Variants in PTPRM observed in about 807,000 individuals in gnomAD.
PTPRM encodes protein tyrosine phosphatase receptor type M.
A neutral mutation model predicts 186.7 loss-of-function variants in PTPRM; 47 were observed. The observed-to-expected ratio is 0.25, with a 90% confidence interval of 0.20 to 0.32. PTPRM has a LOEUF of 0.32. Among genes scored for constraint, PTPRM ranks in the 10% least tolerant of loss-of-function variants. PTPRM has a pLI of 1.00. For missense variants in PTPRM, 1,494 were observed against 1,865.0 expected (o/e 0.80, Z 3.66); for synonymous variants, 668 against 674.9 (o/e 0.99, Z 0.16).
chr18:7,887,932 G>A (rs1205495181), intron 2 of PTPRM, 174 bp from the exon 3 acceptor site: 2 of 799,824 alleles, frequency 2.5e-6, no homozygotes, highest in Admixed American at 3.4e-5. Context: ...ACATATAGGG[G>A]GATGATAGGA....
chr18:8,105,066 G>A (rs561552654), intron 11 of PTPRM, among the ~76,000 whole-genome samples: 189 of 152,274 alleles, frequency 1.2e-3, no homozygotes, highest in Non-Finnish European at 2.2e-3. Context: ...TCTATCTGTG[G>A]CTAAAATTGT....
chr18:7,886,217 AAC>A (rs2048777365), intron 2 of PTPRM, among the ~76,000 whole-genome samples: 1 of 152,198 alleles, frequency 6.6e-6, no homozygotes, highest in Non-Finnish European at 1.5e-5. Flanking sequence ...AGAGCAGGAA[AAC>A]ACAATCTGTA....
chr18:8,270,691 C>T (rs1016982892), intron 19 of PTPRM, among the ~76,000 whole-genome samples: 6 of 152,084 alleles, frequency 3.9e-5, no homozygotes, highest in African/African-American at 1.2e-4. Context: ...AAGAAGTCTA[C>T]CCTGCCATTT....
At chr18:8,085,597 A>T in intron 9 of PTPRM, 74 bp from the exon 10 acceptor site, 1 of 1,292,068 alleles carries the variant, frequency 7.7e-7, no homozygotes, top group Non-Finnish European at 1.1e-6. Flanking sequence ...ATACATCAGA[A>T]GGGTTTATTG....
intron 9 of PTPRM, among the ~76,000 whole-genome samples, chr18:8,078,864 G>T (rs1351305270): frequency 6.6e-6 from 1 of 152,132 alleles, no homozygotes; most frequent in East Asian, 1.9e-4. Flanking sequence ...TGTGAACTCA[G>T]AGCAAGAATT....
intron 7 of PTPRM, among the ~76,000 whole-genome samples, chr18:8,030,678 C>T (rs542471158): frequency 6.6e-6 from 1 of 152,186 alleles, no homozygotes; most frequent in Non-Finnish European, 1.5e-5. Flanking sequence ...GAGGTGTCTT[C>T]TCTCAAAATG....
chr18:7,952,165 A>C (rs1286124952), intron 6 of PTPRM, among the ~76,000 whole-genome samples: 1 of 152,258 alleles, frequency 6.6e-6, no homozygotes, highest in African/African-American at 2.4e-5. Flanking sequence ...TAAATATGAT[A>C]CTGACATATT....
intron 22 of PTPRM, among the ~76,000 whole-genome samples, chr18:8,339,089 C>T (rs960938028): frequency 1.3e-5 from 2 of 152,018 alleles, no homozygotes; most frequent in African/African-American, 4.8e-5. Context: ...TTCCCATGAA[C>T]TAGAGAACTC....
chr18:7,867,126 A>G (rs1179973385), intron 2 of PTPRM, among the ~76,000 whole-genome samples: 1 of 152,186 alleles, frequency 6.6e-6, no homozygotes, highest in Non-Finnish European at 1.5e-5. Context: ...AATACAGCAC[A>G]CTGATGGGTC....
intron 1 of PTPRM, among the ~76,000 whole-genome samples, chr18:7,659,755 C>T (rs1160846859): frequency 1.3e-5 from 2 of 152,138 alleles, no homozygotes. Context: ...TGGGGTGCCT[C>T]TGGCAATGAA....
intron 1 of PTPRM, among the ~76,000 whole-genome samples, chr18:7,760,024 C>A (rs1282201091): frequency 6.6e-6 from 1 of 152,106 alleles, no homozygotes; most frequent in Non-Finnish European, 1.5e-5. Context: ...ATGCCTTGTC[C>A]TGTAACCTCA....
chr18:7,923,844 C>T (rs1049419616), intron 4 of PTPRM, among the ~76,000 whole-genome samples: 6 of 152,184 alleles, frequency 3.9e-5, no homozygotes, highest in African/African-American at 1.4e-4. Context: ...CAAATGTTTT[C>T]ACTTTAAAAT....
At chr18:7,854,604 A>T (rs1374074379) in intron 2 of PTPRM, among the ~76,000 whole-genome samples, 1 of 152,170 alleles carries the variant, frequency 6.6e-6, no homozygotes, top group African/African-American at 2.4e-5. Context: ...CTATTTAAAG[A>T]TGGATCTTGT....
chr18:8,047,355 CTG>C (rs1386554324), intron 7 of PTPRM, among the ~76,000 whole-genome samples: 1 of 152,046 alleles, frequency 6.6e-6, no homozygotes, highest in African/African-American at 2.4e-5. Context: ...GCACATCAAA[CTG>C]TGATTCATTT....
intron 21 of PTPRM, among the ~76,000 whole-genome samples, chr18:8,318,681 CTT>C: frequency 6.6e-6 from 1 of 152,298 alleles, no homozygotes; most frequent in East Asian, 1.9e-4. Context: ...ACTTCTGCCT[CTT>C]TAAATTCCTG....
chr18:8,152,285 T>G lies in PTPRM; in HGVS notation c.2300+8506T>G, dbSNP rs146447335. 1.8e-4 allele frequency among the ~76,000 whole-genome samples: 27 copies of G among 152,280 alleles called. No homozygotes were observed. The East Asian group carries it at 4.6e-3, about 26-fold the overall frequency. On this transcript the variant is annotated intron_variant, in intron 14 of 32. Transcript: ENST00000580170. ...AGGTTTGGAAGAGGCTCCTCAGAGT[T>G]TTTGTAGAGTGAGAAGAAGGAATAT...
At chr18:8,008,364 G>A (rs1315363054) in intron 7 of PTPRM, among the ~76,000 whole-genome samples, 1 of 152,144 alleles carries the variant, frequency 6.6e-6, no homozygotes, top group Non-Finnish European at 1.5e-5. Context: ...GACGAAGAAG[G>A]TCGGGGAAAA....
intron 19 of PTPRM, among the ~76,000 whole-genome samples, chr18:8,259,767 C>A (rs922475083): frequency 3.9e-5 from 6 of 152,066 alleles, no homozygotes; most frequent in African/African-American, 1.4e-4. Context: ...CCCAACCCAG[C>A]CTCCCAAGTA....
At chr18:8,025,106 A>G (rs1233508159) in intron 7 of PTPRM, among the ~76,000 whole-genome samples, 2 of 152,104 alleles carry the variant, frequency 1.3e-5, no homozygotes, top group Non-Finnish European at 1.5e-5. Flanking sequence ...CTCTTTTTAT[A>G]TTAGACATAT....
Sources: allele counts gnomAD v4.1 joint callset (sites outside exome capture counted in the v4.1 genomes callset), GRCh38; gene constraint gnomAD v4.1.1; transcripts MANE v1.5; gene names NCBI Gene and HGNC (gene_info 2026-07-23, HGNC 2026-07-21).